The following PCDHGB3 variants were observed in gnomAD, a reference collection of about 807,000 sequenced individuals.
PCDHGB3 encodes the protein protocadherin gamma-B3.
Under a neutral mutation model 59.2 loss-of-function variants are expected in PCDHGB3, and 40 were observed. The observed-to-expected ratio is 0.68, with a 90% CI of 0.52 to 0.88. The LOEUF (loss-of-function observed/expected upper bound fraction) is 0.88, where lower values mean the gene tolerates loss of function less well. Among genes scored for constraint, PCDHGB3 ranks in the 40% least tolerant of loss-of-function variants. The probability of loss-of-function intolerance (pLI) is 0.00; values close to 1 mark genes in which losing one functional copy is unlikely to be tolerated. For missense variants in PCDHGB3, 1,309 were observed against 1,187.9 expected (o/e 1.10, Z -1.50); for synonymous variants, 581 against 503.6 (o/e 1.15, Z -2.06).
chr5:141,389,356 C>A (rs188323445), intron 1 of PCDHGB3: 4 of 1,613,916 alleles, frequency 2.5e-6, no homozygotes, highest in Non-Finnish European at 3.4e-6. Flanking sequence ...TGCATCATGG[C>A]CAGTGACCTG....
At chr5:141,414,502 A>G in intron 1 of PCDHGB3, 1 of 1,613,944 alleles carries the variant, frequency 6.2e-7, no homozygotes, top group South Asian at 1.1e-5. Flanking sequence ...AGCTCACTTT[A>G]TGCTACAAGT....
intron 1 of PCDHGB3, among the ~76,000 whole-genome samples, chr5:141,482,079 C>A (rs2099551704): frequency 8.4e-6 from 1 of 119,308 alleles, no homozygotes; most frequent in African/African-American, 3.8e-5. Context: ...GAACAAAACT[C>A]ACTCCATCTC....
chr5:141,475,384 A>T (rs2099362853), intron 1 of PCDHGB3, among the ~76,000 whole-genome samples: 1 of 152,370 alleles, frequency 6.6e-6, no homozygotes, highest in East Asian at 1.9e-4. Flanking sequence ...TTTAAATTTT[A>T]TAAGCCAGAG....
chr5:141,440,077 C>T (rs983267885), intron 1 of PCDHGB3: 1 of 152,424 alleles, frequency 6.6e-6, no homozygotes, highest in Non-Finnish European at 1.5e-5. Flanking sequence ...AGGAATAATA[C>T]TTCATTCTAA....
rs112156044 is a variant in PCDHGB3, at chr5:141,476,771, G to C, written c.2416-18036G>C. ...CCAGTTAGTGCTGACGGCGTTGGAC[G>C]GAGGGACCCCAGCTCTCTCCGCCAG... On this transcript the variant is annotated intron_variant, in intron 1 of 3. Coordinates refer to ENST00000576222, the MANE Select transcript of PCDHGB3 (RefSeq NM_018924.5). The surrounding 1 kb of genome is among the most constrained non-coding windows in gnomAD (Gnocchi z 7.6). 1.1e-5 allele frequency: 18 copies of C among 1,613,700 alleles called. 1 individual carries two copies. In the South Asian group the frequency reaches 1.3e-4, roughly 12 times the overall value.
At position 141,382,739 on chromosome 5, in the gene PCDHGB3, G is replaced by A. The variant is rs1005950630; in HGVS notation, c.2415+9930G>A. 8.7e-6 allele frequency: 5 copies of A among 573,776 alleles called. No homozygotes were observed. The African/African-American group carries it at 9.3e-5, about 11-fold the overall frequency. The allele number at this position is 573,776 out of a possible 1,614,324, so 35.5% of individuals were successfully genotyped here. On this transcript the variant is annotated intron_variant, in intron 1 of 3. Coordinates refer to ENST00000576222, the MANE Select transcript of PCDHGB3 (RefSeq NM_018924.5). ...ACCGAGTTTTACAGCACAGAGAAACGACAGATTGCGATAAGCCCTCTTCCA... is the reference window on the plus strand; with the variant it reads ...ACCGAGTTTTACAGCACAGAGAAACAACAGATTGCGATAAGCCCTCTTCCA...
At position 141,372,580 on chromosome 5, in the gene PCDHGB3, C is replaced by T. The variant is rs1363878149; in HGVS notation, c.2186C>T (p.Pro729Leu). Residue 729 changes from proline to leucine, a missense_variant, in exon 1 of 4, where the codon CCT becomes CTT. Pro to Leu is a moderately conservative substitution (Grantham distance 98). Transcript: ENST00000576222. ...SRPATEGYFQ[P>L]GVCFKTVPGV... ...CCCGCCACTGAGGGCTACTTTCAGC[C>T]TGGTGTCTGCTTCAAGACTGTACCT... The T allele has an allele frequency of 6.2e-7, 1 of 1,614,038 alleles. No homozygotes were observed. The highest frequency in any genetic ancestry group is 8.5e-7 in the Non-Finnish European group (1 of 1,179,900).
intron 1 of PCDHGB3, among the ~76,000 whole-genome samples, chr5:141,461,433 C>A (rs183800312): frequency 1.3e-5 from 2 of 151,970 alleles, no homozygotes; most frequent in Non-Finnish European, 1.5e-5. Context: ...CATTTGTATA[C>A]CTTCTTTTGA....
intron 1 of PCDHGB3, among the ~76,000 whole-genome samples, chr5:141,401,149 C>T (rs1398876381): frequency 6.6e-6 from 1 of 152,132 alleles, no homozygotes; most frequent in Non-Finnish European, 1.5e-5. Flanking sequence ...CAAGACCAGC[C>T]TGGGCAATAT....
At chr5:141,394,705 C>G (rs1245348426) in intron 1 of PCDHGB3, 9 of 1,613,256 alleles carry the variant, frequency 5.6e-6, no homozygotes, top group Non-Finnish European at 7.6e-6. Flanking sequence ...ACGGCGCGAG[C>G]CCTGCTGGAC....
In PCDHGB3 at chr5:141,419,316, G is replaced by A. The variant is rs775328616; in HGVS notation, c.2415+46507G>A. 1.1e-5 allele frequency: 18 copies of A among 1,613,994 alleles called. No individual in the cohort carries two copies. In the South Asian group the frequency reaches 1.8e-4, roughly 16 times the overall value. On this transcript the variant is annotated intron_variant, in intron 1 of 3. Coordinates refer to ENST00000576222, the MANE Select transcript of PCDHGB3 (RefSeq NM_018924.5). ...GACCCAGACTTCGGGCTCAACGGCC[G>A]TGTCTCCTACTCTCTCATTGCCAGC...
At position 141,399,586 on chromosome 5, in the gene PCDHGB3, A is replaced by G. The variant is rs751097540; in HGVS notation, c.2415+26777A>G. The G allele has an allele frequency of 6.2e-6, 10 of 1,613,830 alleles. No individual in the cohort carries two copies. The East Asian group carries it at 1.3e-4, about 22-fold the overall frequency. Reference sequence around the variant, plus strand: ...GTTGAACGGCCAAGTCTCCTACTCTATCATGGCCAGCGACCTAGAGCCTCT... The same window carrying G: ...GTTGAACGGCCAAGTCTCCTACTCTGTCATGGCCAGCGACCTAGAGCCTCT... On this transcript the variant is annotated intron_variant, in intron 1 of 3. Coordinates refer to ENST00000576222, the MANE Select transcript of PCDHGB3 (RefSeq NM_018924.5).
chr5:141,505,284 G>A, intron 2 of PCDHGB3, 109 bp from the exon 3 acceptor site: 1 of 1,548,402 alleles, frequency 6.5e-7, no homozygotes. Flanking sequence ...CAGGTCTTGG[G>A]CATGGGGTAG....
At chr5:141,467,495 C>T (rs1161557245) in intron 1 of PCDHGB3, among the ~76,000 whole-genome samples, 1 of 152,140 alleles carries the variant, frequency 6.6e-6, no homozygotes, top group Non-Finnish European at 1.5e-5. Context: ...ATTTAGATCC[C>T]TGATCTAATT....
chr5:141,376,635 T>C, intron 1 of PCDHGB3: 3 of 1,245,578 alleles, frequency 2.4e-6, no homozygotes, highest in Non-Finnish European at 3.3e-6. Flanking sequence ...AGATTCGTGA[T>C]TTTGTAAAGT....
At chr5:141,385,042 A>C (rs1308417984) in intron 1 of PCDHGB3, 1 of 1,614,150 alleles carries the variant, frequency 6.2e-7, no homozygotes, top group Non-Finnish European at 8.5e-7. Flanking sequence ...GCTGGCGCTC[A>C]GGCTGCGGCG....
intron 1 of PCDHGB3, chr5:141,433,227 T>C (rs1178649427): frequency 6.5e-6 from 10 of 1,528,034 alleles, no homozygotes; most frequent in Non-Finnish European, 8.9e-6. Context: ...TTTTAATTGC[T>C]CTGTCTCCCA....
chr5:141,407,135 GA>G (rs796659459), intron 1 of PCDHGB3, among the ~76,000 whole-genome samples: 93 of 151,930 alleles, frequency 6.1e-4, no homozygotes, highest in African/African-American at 2.2e-3. Flanking sequence ...TTATTTTTAA[GA>G]AAAAAAAGCT....
At chr5:141,415,185 C>G (rs375113497) in intron 1 of PCDHGB3, 66 of 1,613,860 alleles carry the variant, frequency 4.1e-5, no homozygotes, top group Non-Finnish European at 5.4e-5. Flanking sequence ...CCGTGGCCGA[C>G]AGCATCCCCC....
Sources: gnomAD v4.1 joint callset for allele counts (sites outside exome capture counted in the v4.1 genomes callset) on GRCh38, gnomAD v4.1.1 for gene constraint, Gnocchi (gnomAD v3.1) non-coding constraint, MANE v1.5 for transcripts, NCBI Gene and HGNC (gene_info 2026-07-23, HGNC 2026-07-21) for gene names.